The following ANO3 variants were observed in gnomAD, a reference collection of about 807,000 sequenced individuals.
ANO3 encodes anoctamin-3.
A neutral mutation model predicts 144.8 loss-of-function variants in ANO3; 99 were observed. That is an observed-to-expected ratio of 0.68 (90% confidence interval 0.58 to 0.81). The LOEUF (loss-of-function observed/expected upper bound fraction) is 0.81. Among genes scored for constraint, ANO3 ranks in the 30% least tolerant of loss-of-function variants. The pLI is 0.00. For missense variants in ANO3, 905 were observed against 1,202.2 expected, an observed-to-expected ratio of 0.75 and a Z score of 3.66; for synonymous variants, 414 against 392.6, an observed-to-expected ratio of 1.05 and a Z score of -0.64.
At chr11:26,303,928 G>A (rs11029509) in intron 1 of ANO3, among the ~76,000 whole-genome samples, 3 of 151,650 alleles carry the variant, frequency 2.0e-5, no homozygotes, top group East Asian at 3.9e-4. Context: ...CCACTTTGGC[G>A]GGTCTCGATC....
intron 1 of ANO3, among the ~76,000 whole-genome samples, chr11:26,280,744 C>T (rs1853660157): frequency 6.6e-6 from 1 of 152,124 alleles, no homozygotes; most frequent in Non-Finnish European, 1.5e-5. Context: ...ACCATCACGC[C>T]CAATAAGCAT....
chr11:26,519,878 C>T (rs1862000986), intron 6 of ANO3, among the ~76,000 whole-genome samples: 1 of 149,074 alleles, frequency 6.7e-6, no homozygotes, highest in Non-Finnish European at 1.5e-5. Flanking sequence ...CTGCAGTACT[C>T]TATCCAGGAA....
intron 4 of ANO3, among the ~76,000 whole-genome samples, chr11:26,488,535 C>G (rs1446422677): frequency 6.6e-6 from 1 of 152,102 alleles, no homozygotes; most frequent in African/African-American, 2.4e-5. Flanking sequence ...TGTTCAGATG[C>G]CTCCGGACTT....
At chr11:26,571,443 GAA>G (rs1336828164) in intron 14 of ANO3, among the ~76,000 whole-genome samples, 1 of 152,080 alleles carries the variant, frequency 6.6e-6, no homozygotes, top group Non-Finnish European at 1.5e-5. Context: ...GATTTCCAGT[GAA>G]AGTTAGACAT....
Position 26,191,834 on chromosome 11 carries a change from C to T in ANO3, c.154+2504C>T, listed in dbSNP as rs573307935. 2.0e-5 allele frequency among the ~76,000 whole-genome samples: 3 copies of T among 151,870 alleles called. No individual in the cohort carries two copies. The South Asian group carries it at 6.2e-4, about 32-fold the overall frequency. On this transcript the variant is annotated intron_variant, in intron 1 of 27. Coordinates refer to the ANO3 transcript ENST00000672621. Reference sequence around the variant, plus strand: ...GTAAAGGGATTTTTTTTCCTGTTGCCGAACATCTGTAGGTATTTGTCCTAT... The same window carrying T: ...GTAAAGGGATTTTTTTTCCTGTTGCTGAACATCTGTAGGTATTTGTCCTAT...
At chr11:26,599,197 G>T (rs1851724825) in intron 16 of ANO3, among the ~76,000 whole-genome samples, 199 bp downstream of exon 16, 1 of 152,132 alleles carries the variant, frequency 6.6e-6, no homozygotes, top group Admixed American at 6.5e-5. Context: ...CCTTTTTAAA[G>T]AAAATACTCT....
chr11:26,445,471 T>A (rs1026835255), intron 3 of ANO3, among the ~76,000 whole-genome samples: 2 of 152,206 alleles, frequency 1.3e-5, no homozygotes, highest in Non-Finnish European at 2.9e-5. Flanking sequence ...ATGCTTAACA[T>A]AATTGGATGC....
At chr11:26,419,510 T>G (rs879720154) in intron 1 of ANO3, among the ~76,000 whole-genome samples, 2 of 150,804 alleles carry the variant, frequency 1.3e-5, no homozygotes, top group African/African-American at 5.0e-5. Flanking sequence ...AAGTAATTAA[T>G]TAATAGGATT....
intron 24 of ANO3, among the ~76,000 whole-genome samples, chr11:26,655,602 C>T (rs1446006734): frequency 6.6e-6 from 1 of 152,024 alleles, no homozygotes; most frequent in African/African-American, 2.4e-5. Context: ...CATCTCTCTC[C>T]CCTCTCCCAC....
chr11:26,595,460 G>GTTTTTTTGTTTTTTT (rs1851585322), intron 14 of ANO3, among the ~76,000 whole-genome samples: 1 of 101,384 alleles, frequency 9.9e-6, no homozygotes, highest in African/African-American at 4.2e-5. Flanking sequence ...AGATAGAGTT[G>GTTTTTTTGTTTTTTT]TTTTTTTTTT....
chr11:26,209,040 G>T (rs1011038474), intron 1 of ANO3, among the ~76,000 whole-genome samples: 13 of 152,152 alleles, frequency 8.5e-5, no homozygotes, highest in African/African-American at 2.9e-4. Context: ...TACATGTGCA[G>T]AATGTGTAGG....
At chr11:26,345,121 A>G (rs1419925172) in intron 1 of ANO3, among the ~76,000 whole-genome samples, 1 of 152,168 alleles carries the variant, frequency 6.6e-6, no homozygotes, top group Non-Finnish European at 1.5e-5. Context: ...AAATGATGTT[A>G]TGTAAAAAAG....
chr11:26,521,146 G>A (rs1397094887), intron 6 of ANO3, among the ~76,000 whole-genome samples: 2 of 152,062 alleles, frequency 1.3e-5, no homozygotes, highest in Admixed American at 1.3e-4. Flanking sequence ...AAACTAAGTG[G>A]CAAATTATTT....
intron 1 of ANO3, among the ~76,000 whole-genome samples, chr11:26,363,280 A>G (rs904066774): frequency 7.2e-5 from 11 of 152,310 alleles, no homozygotes; most frequent in African/African-American, 2.2e-4. Context: ...GCCCATTATT[A>G]GGGTCTGCAT....
intron 4 of ANO3, among the ~76,000 whole-genome samples, chr11:26,491,323 A>G (rs1024507368): frequency 3.3e-5 from 5 of 152,224 alleles, no homozygotes; most frequent in Non-Finnish European, 7.3e-5. Context: ...TACACCAGCC[A>G]TATACTAGGC....
In ANO3 at chr11:26,647,876, A is replaced by G. The variant is rs1364371846; in HGVS notation, c.2576+20A>G. ...TGAAAAGTAAGGTTTAAATTTAAAC[A>G]TTTTCCTGATATGTTTTACATTTGT... On this transcript the variant is annotated intron_variant, in intron 24 of 26. Coordinates refer to ENST00000256737, the MANE Select transcript of ANO3 (RefSeq NM_031418.4). 1.3e-6 allele frequency: 2 copies of G among 1,596,042 alleles called. No individual in the cohort carries two copies. Among genetic ancestry groups the G allele is most frequent in the South Asian group, 1.1e-5 (1 of 88,384 alleles).
At chr11:26,477,862 A>T (rs544430246) in intron 4 of ANO3, among the ~76,000 whole-genome samples, 1 of 152,304 alleles carries the variant, frequency 6.6e-6, no homozygotes, top group East Asian at 1.9e-4. Context: ...ACTTATAAGG[A>T]TTTGTGTTAA....
intron 1 of ANO3, among the ~76,000 whole-genome samples, chr11:26,354,312 GAA>G (rs1465413399): frequency 6.6e-6 from 1 of 152,142 alleles, no homozygotes; most frequent in Non-Finnish European, 1.5e-5. Context: ...CCATAAAAGT[GAA>G]AAACAAAAGG....
At chr11:26,379,034 G>C (rs1856502884) in intron 1 of ANO3, among the ~76,000 whole-genome samples, 1 of 121,742 alleles carries the variant, frequency 8.2e-6, no homozygotes, top group South Asian at 2.7e-4. Flanking sequence ...ATAGCATTAT[G>C]AAACAGTGAG....
Sources: allele counts gnomAD v4.1 joint callset (sites outside exome capture counted in the v4.1 genomes callset), GRCh38; gene constraint gnomAD v4.1.1; transcripts MANE v1.5; gene names NCBI Gene and HGNC (gene_info 2026-07-23, HGNC 2026-07-21).